RUNX2: variants seen among roughly 807,000 people sequenced by gnomAD.
RUNX2 encodes the protein runt-related transcription factor 2.
RUNX2 carries 10 observed loss-of-function variants against 51.7 expected under a neutral mutation model. The ratio of observed to expected loss-of-function variants is 0.19; its 90% CI spans 0.12 to 0.33. The LOEUF (loss-of-function observed/expected upper bound fraction) is 0.33, where lower values mean the gene tolerates loss of function less well. Among genes scored for constraint, RUNX2 ranks in the 10% least tolerant of loss-of-function variants. RUNX2 has a pLI of 1.00. For synonymous variants in RUNX2, 276 were observed against 273.6 expected, an observed-to-expected ratio of 1.01 and a Z score of -0.09; for missense variants, 562 against 691.3, an observed-to-expected ratio of 0.81 and a Z score of 2.10.
intron 2 of RUNX2, among the ~76,000 whole-genome samples, chr6:45,374,032 A>G (rs1025144193): frequency 6.6e-6 from 1 of 152,218 alleles, no homozygotes; most frequent in African/African-American, 2.4e-5. Context: ...GTAAAGTAAG[A>G]CGATAATTTT....
At chr6:45,374,768 C>T (rs937313641) in intron 2 of RUNX2, among the ~76,000 whole-genome samples, 1 of 152,130 alleles carries the variant, frequency 6.6e-6, no homozygotes, top group African/African-American at 2.4e-5. Context: ...CCAGAGGGAA[C>T]CAAAACTCAA....
At chr6:45,546,506 G>A (rs779571119) in intron 8 of RUNX2, among the ~76,000 whole-genome samples, 5 of 152,148 alleles carry the variant, frequency 3.3e-5, no homozygotes, top group Non-Finnish European at 7.4e-5. Context: ...AAATCCATGA[G>A]GATTTGGTTT....
chr6:45,419,726 C>G (rs1798138529), intron 2 of RUNX2, among the ~76,000 whole-genome samples: 1 of 152,200 alleles, frequency 6.6e-6, no homozygotes. Context: ...CGCGCAGGAG[C>G]CAGCTCAGCT....
chr6:45,546,327 A>T (rs1426249302), intron 8 of RUNX2, among the ~76,000 whole-genome samples: 2 of 152,194 alleles, frequency 1.3e-5, no homozygotes, highest in South Asian at 2.1e-4. Flanking sequence ...ACATGATAGG[A>T]TATCTTTTTG....
At chr6:45,420,473 C>G (rs1189989460) in intron 2 of RUNX2, among the ~76,000 whole-genome samples, 1 of 152,242 alleles carries the variant, frequency 6.6e-6, no homozygotes, top group Non-Finnish European at 1.5e-5. Flanking sequence ...ATGTGAATTG[C>G]TTTAAATAAG....
chr6:45,475,305 T>C (rs1799926690), intron 5 of RUNX2, among the ~76,000 whole-genome samples: 1 of 152,168 alleles, frequency 6.6e-6, no homozygotes, highest in Non-Finnish European at 1.5e-5. Flanking sequence ...GGAGGTTTTA[T>C]TGAAGTCAAG....
chr6:45,466,822 G>A (rs150892388), intron 5 of RUNX2, among the ~76,000 whole-genome samples: 2 of 152,118 alleles, frequency 1.3e-5, no homozygotes, highest in Non-Finnish European at 2.9e-5. Flanking sequence ...TGTAACAAAG[G>A]CTGCTTTGAT....
chr6:45,375,278 C>G (rs537803085), intron 2 of RUNX2, among the ~76,000 whole-genome samples: 1 of 152,164 alleles, frequency 6.6e-6, no homozygotes, highest in Non-Finnish European at 1.5e-5. Context: ...CAAGTCCCAA[C>G]AAGGCTAACA....
At chr6:45,333,888 T>A (rs553756081) in intron 2 of RUNX2, among the ~76,000 whole-genome samples, 1 of 151,394 alleles carries the variant, frequency 6.6e-6, no homozygotes, top group East Asian at 1.9e-4. Flanking sequence ...AAGATAAATG[T>A]TTACCTTGAT....
chr6:45,367,912 T>C lies in RUNX2; in HGVS notation c.58+39128T>C, dbSNP rs377405316. Among the ~76,000 whole-genome samples the C allele has an allele frequency of 3.2e-4, 48 of 152,326 alleles. No individual in the cohort carries two copies. In the East Asian group the frequency reaches 8.5e-3, roughly 27 times the overall value. ...TGAGCTGATAGGTCATTAGACTCTT[T>C]AAAATAATTATTTCCCATACCCACA... On this transcript the variant is annotated intron_variant, in intron 2 of 8. Transcript: ENST00000647337.
chr6:45,505,057 G>A (rs1800919897), intron 6 of RUNX2, among the ~76,000 whole-genome samples: 1 of 152,174 alleles, frequency 6.6e-6, no homozygotes, highest in African/African-American at 2.4e-5. Flanking sequence ...ATAGCCTTTT[G>A]TATGCGGGTT....
At chr6:45,502,731 C>G (rs1800835009) in intron 6 of RUNX2, among the ~76,000 whole-genome samples, 2 of 152,174 alleles carry the variant, frequency 1.3e-5, no homozygotes, top group Non-Finnish European at 2.9e-5. Flanking sequence ...CTAGACTGGA[C>G]TTCTGCCCTG....
intron 2 of RUNX2, among the ~76,000 whole-genome samples, chr6:45,341,752 G>C (rs1190696414): frequency 6.6e-6 from 1 of 152,116 alleles, no homozygotes; most frequent in African/African-American, 2.4e-5. Flanking sequence ...CTCAGATTCT[G>C]GTACCCTATC....
At chr6:45,447,108 A>G (rs12216037) in intron 5 of RUNX2, among the ~76,000 whole-genome samples, 2,138 of 152,376 alleles carry the variant, frequency 0.014, 25 homozygotes, top group Non-Finnish European at 0.019. Context: ...AACAAGTGAC[A>G]TAGAATCATT....
rs570031545 is a variant in RUNX2, at chr6:45,456,393, A to T, written c.685+18342A>T. The stretch of plus-strand genomic sequence containing the variant: ...AACATTTTGAAAATTGATTTACAAA[A>T]ATTGGTATAAAATCTATTCCTTTAA... On this transcript the variant is annotated intron_variant, in intron 5 of 8. Transcript: ENST00000647337. Among the ~76,000 whole-genome samples, 10 of 152,350 alleles carry T rather than the reference A, an allele frequency of 6.6e-5. No homozygotes were observed. In the East Asian group the frequency reaches 1.9e-3, roughly 29 times the overall value.
rs780694693 is a variant in RUNX2, at chr6:45,547,348, C to A, written c.*43C>A. 2 of 1,389,406 alleles carry A rather than the reference C, an allele frequency of 1.4e-6. No individual in the cohort carries two copies. Among genetic ancestry groups the A allele is most frequent in the African/African-American group, 2.8e-5 (2 of 70,352 alleles). 86.1% of individuals were successfully genotyped at this position (1,389,406 alleles called of 1,614,324 possible). ...CCAGTGGTATCTGGGGGCCACATCC[C>A]ACACGTATCAATATATACATATATA... is the stretch of plus-strand genomic sequence containing the variant. On this transcript the variant is annotated 3_prime_UTR_variant, in exon 9 of 9. Transcript: ENST00000647337.
At chr6:45,511,196 G>A (rs1162761067) in intron 6 of RUNX2, among the ~76,000 whole-genome samples, 1 of 151,964 alleles carries the variant, frequency 6.6e-6, no homozygotes, top group African/African-American at 2.4e-5. Context: ...CTTTTTTTCT[G>A]TATATAAGCA....
rs11498200 is a variant in RUNX2 at position 45,492,006 on chromosome 6, C to A, written c.751C>A (p.Arg251Ser). Residue 251 changes from arginine (R) to serine (S), a missense_variant, in exon 6 of 9, where the codon CGC (arginine) becomes AGC (serine). Arg to Ser is a moderately radical substitution (Grantham distance 110). Coordinates refer to ENST00000647337, the MANE Select transcript of RUNX2 (RefSeq NM_001024630.4). ...LFSDRLSDLG[R>S]IPHPSMRVGV... ...CTCTGACCGCCTCAGTGATTTAGGG[C>A]GCATTCCTCATCCCAGTATGAGAGT... The A allele has an allele frequency of 6.2e-7, 1 of 1,613,920 alleles. No homozygotes were observed. The highest frequency in any genetic ancestry group is 8.5e-7 in the Non-Finnish European group (1 of 1,179,906).
At position 45,438,014 on chromosome 6, in the gene RUNX2, A is replaced by T. The variant is rs767772937; in HGVS notation, c.648A>T (p.Ala216=). 8.1e-6 allele frequency: 13 copies of T among 1,613,382 alleles called. No homozygotes were observed. In the East Asian group the frequency reaches 2.7e-4, roughly 33 times the overall value. Residue 216 remains alanine, a synonymous_variant, in exon 5 of 9, where the codon GCA becomes GCT. Transcript: ENST00000647337. ...NPPQVATYHR[A]IKVTVDGPRE... ...CCCAAGTAGCTACCTATCACAGAGC[A>T]ATTAAAGTTACAGTAGATGGACCTC...
Sources: allele counts gnomAD v4.1 joint callset (sites outside exome capture counted in the v4.1 genomes callset), GRCh38; gene constraint gnomAD v4.1.1; transcripts MANE v1.5; gene names NCBI Gene and HGNC (gene_info 2026-07-23, HGNC 2026-07-21).